VPS39: variants seen among roughly 807,000 people sequenced by gnomAD.
VPS39 encodes the protein VPS39 subunit of HOPS complex.
VPS39 carries 70 observed loss-of-function variants against 121.0 expected under a neutral mutation model. The ratio of observed to expected loss-of-function variants is 0.58; its 90% confidence interval spans 0.48 to 0.71. The LOEUF is 0.71. Ranked by LOEUF, VPS39 falls within the 30% of genes least tolerant of loss-of-function variation. The probability of loss-of-function intolerance (pLI) is 0.00; values close to 1 mark genes in which losing one functional copy is unlikely to be tolerated. For synonymous variants in VPS39, 378 were observed against 398.1 expected, an observed-to-expected ratio of 0.95 and a Z score of 0.60; for missense variants, 818 against 1,051.5, an observed-to-expected ratio of 0.78 and a Z score of 3.07.
At chr15:42,187,189 G>C in intron 7 of VPS39, 82 bp downstream of exon 7, 1 of 1,050,550 alleles carries the variant, frequency 9.5e-7, no homozygotes, top group Non-Finnish European at 1.4e-6. Flanking sequence ...TACTTAAAGT[G>C]GTCGCTTGAC....
chr15:42,196,306 C>T (rs1187809644), intron 2 of VPS39, among the ~76,000 whole-genome samples: 1 of 151,934 alleles, frequency 6.6e-6, no homozygotes, highest in African/African-American at 2.4e-5. Context: ...GCAACAAAAG[C>T]CAAAATTGAC....
intron 15 of VPS39, 131 bp downstream of exon 15, chr15:42,166,432 A>G: frequency 1.7e-6 from 2 of 1,211,422 alleles, no homozygotes; most frequent in Non-Finnish European, 2.3e-6. Context: ...CTTTTATGCC[A>G]TTTGGAGGAA....
chr15:42,203,778 C>T (rs1006513484), intron 1 of VPS39, among the ~76,000 whole-genome samples: 1 of 152,220 alleles, frequency 6.6e-6, no homozygotes, highest in Non-Finnish European at 1.5e-5. Flanking sequence ...GAGGACCTGT[C>T]CCATGTTGGG....
intron 10 of VPS39, among the ~76,000 whole-genome samples, chr15:42,174,405 G>A (rs1783224063): frequency 1.3e-5 from 2 of 152,130 alleles, no homozygotes; most frequent in African/African-American, 4.8e-5. Context: ...CTTGAAAATT[G>A]TCATGGTCAT....
At chr15:42,175,840 C>T (rs114694404) in intron 10 of VPS39, among the ~76,000 whole-genome samples, 2,175 of 152,148 alleles carry the variant, frequency 0.014, 46 homozygotes, top group African/African-American at 0.05. Context: ...CTTTAACTTC[C>T]TCTCCATCTG....
At chr15:42,166,265 A>G (rs1296796158) in intron 15 of VPS39, 33 bp from the exon 16 acceptor site, 1 of 1,604,924 alleles carries the variant, frequency 6.2e-7, no homozygotes, top group Non-Finnish European at 8.5e-7. Flanking sequence ...TCAGCAGTTG[A>G]GGCCCATCTT....
chr15:42,170,741 ATTT>A (rs869280235), intron 11 of VPS39, among the ~76,000 whole-genome samples: 708 of 50,376 alleles, frequency 0.014, 3 homozygotes, highest in African/African-American at 0.049. Flanking sequence ...ATGCTCGCAG[ATTT>A]TTTTTTTTTT....
intron 2 of VPS39, among the ~76,000 whole-genome samples, chr15:42,194,697 C>A (rs1208293942): frequency 6.6e-6 from 1 of 151,908 alleles, no homozygotes; most frequent in African/African-American, 2.4e-5. Context: ...TGCGCCACTG[C>A]ACTCTAGTCT....
At chr15:42,192,899 C>T (rs1264315087) in intron 2 of VPS39, among the ~76,000 whole-genome samples, 1 of 152,058 alleles carries the variant, frequency 6.6e-6, no homozygotes, top group African/African-American at 2.4e-5. Flanking sequence ...GTGCCCTCAG[C>T]CTCTGGAGTA....
In VPS39 at chr15:42,160,297, A is replaced by G. The variant is rs2049104108; in HGVS notation, c.*457T>C. 1 of 168,932 alleles carries G rather than the reference A, an allele frequency of 5.9e-6. No homozygotes were observed. The highest frequency in any genetic ancestry group is 1.6e-4 in the South Asian group (1 of 6,250). The allele number at this position is 168,932 out of a possible 1,614,324, so 10.5% of individuals were successfully genotyped here. ...TAAAACACTACACAGAATGCGAGCC[A>G]TCGGGTCCATGCGGCCAGAAGCTTG... On this transcript the variant is annotated 3_prime_UTR_variant, in exon 25 of 25. Transcript: ENST00000318006.
chr15:42,200,419 C>T (rs1444680967), intron 1 of VPS39, among the ~76,000 whole-genome samples: 1 of 151,846 alleles, frequency 6.6e-6, no homozygotes, highest in African/African-American at 2.4e-5. Context: ...AATGTGAAAC[C>T]AGGTATCCAA....
chr15:42,194,470 G>A (rs549954716), intron 2 of VPS39, among the ~76,000 whole-genome samples: 20 of 151,826 alleles, frequency 1.3e-4, no homozygotes, highest in South Asian at 8.3e-4. Flanking sequence ...GTGAAATTCC[G>A]TCTCAAAAAA....
chr15:42,191,715 C>A (rs2049831154), intron 2 of VPS39, among the ~76,000 whole-genome samples, 155 bp from the exon 3 acceptor site: 1 of 152,234 alleles, frequency 6.6e-6, no homozygotes, highest in Non-Finnish European at 1.5e-5. Flanking sequence ...AGCTCTCTTA[C>A]AAGCACTATA....
intron 1 of VPS39, among the ~76,000 whole-genome samples, chr15:42,202,205 C>T (rs913643426): frequency 6.6e-6 from 1 of 152,156 alleles, no homozygotes; most frequent in African/African-American, 2.4e-5. Flanking sequence ...CAGGTCAGCA[C>T]CTACATTCCT....
chr15:42,187,740 A>G lies in VPS39; in HGVS notation c.441+18T>C. ...AGCAGCTCCCACCCAACCATGGACC[A>G]AGGAACAGTGGACTTACCTGCAATT... is the stretch of plus-strand genomic sequence containing the variant. On this transcript the variant is annotated intron_variant, in intron 6 of 24. Transcript: ENST00000318006. The G allele has an allele frequency of 6.2e-7, 1 of 1,613,466 alleles. No homozygotes were observed.
At chr15:42,171,360 A>G (rs2049344338) in intron 11 of VPS39, among the ~76,000 whole-genome samples, 1 of 152,252 alleles carries the variant, frequency 6.6e-6, no homozygotes, top group African/African-American at 2.4e-5. Context: ...CGGCATTTCC[A>G]GTGTCTGGTT....
chr15:42,186,601 A>G (rs1307049740), intron 7 of VPS39, among the ~76,000 whole-genome samples: 2 of 152,252 alleles, frequency 1.3e-5, no homozygotes, highest in Non-Finnish European at 2.9e-5. Flanking sequence ...TAGTATGCAT[A>G]TTGGAGAAAA....
At chr15:42,173,523 TGAG>T (rs1275977093) in intron 11 of VPS39, 197 bp downstream of exon 11, 5 of 536,928 alleles carry the variant, frequency 9.3e-6, no homozygotes, top group Non-Finnish European at 1.5e-5. Context: ...CCACATTTAT[TGAG>T]AAGACCAGAT....
In VPS39 at chr15:42,208,249, C is replaced by A; in HGVS notation, c.-96G>T. 3 of 1,486,322 alleles carry A rather than the reference C, an allele frequency of 2.0e-6. No individual in the cohort carries two copies. Among genetic ancestry groups the A allele is most frequent in the Non-Finnish European group, 2.7e-6 (3 of 1,100,162 alleles). The allele number at this position is 1,486,322 out of a possible 1,614,324, so 92.1% of individuals were successfully genotyped here. Reference sequence around the variant, plus strand: ...GTCTGGGCTAAGGGTAGACCGGGATCCGGCCAGGAACCCCCCGGCTACAGG... The same window carrying A: ...GTCTGGGCTAAGGGTAGACCGGGATACGGCCAGGAACCCCCCGGCTACAGG... On this transcript the variant is annotated 5_prime_UTR_variant, in exon 1 of 25. Transcript: ENST00000318006.
Sources: gnomAD v4.1 joint callset for allele counts (sites outside exome capture counted in the v4.1 genomes callset) on GRCh38, gnomAD v4.1.1 for gene constraint, MANE v1.5 for transcripts, NCBI Gene and HGNC (gene_info 2026-07-23, HGNC 2026-07-21) for gene names.